Variants in COL28A1 observed in about 807,000 individuals in gnomAD.
COL28A1 encodes collagen alpha-1(XXVIII) chain.
Under a neutral mutation model 150.2 loss-of-function variants are expected in COL28A1, and 161 were observed. The ratio of observed to expected loss-of-function variants is 1.07; its 90% CI spans 0.94 to 1.22. COL28A1 has a LOEUF of 1.22. Among genes scored for constraint, COL28A1 ranks in the 50% most tolerant of loss-of-function variants. The pLI is 0.00. For missense variants in COL28A1, 1,617 were observed against 1,388.3 expected (o/e 1.16, Z -2.62); for synonymous variants, 552 against 469.7 (o/e 1.18, Z -2.26).
At position 7,380,837 on chromosome 7, in the gene COL28A1, A is replaced by T. The variant is rs1426113048; in HGVS notation, c.2231T>A (p.Val744Glu). 1.2e-6 allele frequency: 2 copies of T among 1,613,866 alleles called. No individual in the cohort carries two copies. Among genetic ancestry groups the T allele is most frequent in the Non-Finnish European group, 1.7e-6 (2 of 1,179,844 alleles). The change falls in exon 29 of 35, where the codon GTG (valine) becomes GAG (glutamate). Residue 744 changes from valine (V) to glutamate (E), a missense_variant. By Grantham distance (121) the Val-to-Glu change is moderately radical. Transcript: ENST00000399429. The stretch of plus-strand genomic sequence containing the variant: ...TTCTCCTTTATCACCTTTCTTTCCC[A>T]CATCGCCCCGTTCTCCGTGCTCTCC... ...QKGEHGERGD[V>E]GKKGDKGEIG...
intron 11 of COL28A1, among the ~76,000 whole-genome samples, chr7:7,501,142 GA>G (rs1161333417): frequency 6.6e-6 from 1 of 152,170 alleles, no homozygotes; most frequent in Non-Finnish European, 1.5e-5. Context: ...ATAGGTAAAA[GA>G]ATGCTAAGTT....
intron 23 of COL28A1, 33 bp downstream of exon 23, chr7:7,436,362 C>A: frequency 1.0e-6 from 1 of 1,000,992 alleles, no homozygotes; most frequent in Non-Finnish European, 1.6e-6. Context: ...ATTTCAGATA[C>A]AGAAAAACAA....
the COL28A1 span, among the ~76,000 whole-genome samples, chr7:7,349,859 G>A: frequency 1.3e-5 from 2 of 152,288 alleles, no homozygotes; most frequent in South Asian, 4.1e-4. Flanking sequence ...GGTAGGGAGA[G>A]AGTAAGGGAG....
intron 11 of COL28A1, among the ~76,000 whole-genome samples, chr7:7,494,001 C>T (rs1029874794): frequency 1.3e-5 from 2 of 151,954 alleles, no homozygotes; most frequent in African/African-American, 4.8e-5. Context: ...AATCAGTAGC[C>T]CCAGAAAGAA....
In COL28A1 at chr7:7,368,472, T is replaced by G. The variant is rs185233260; in HGVS notation, c.3066+2253A>C. On this transcript the variant is annotated intron_variant, in intron 33 of 34. Coordinates refer to ENST00000399429, the MANE Select transcript of COL28A1 (RefSeq NM_001037763.3). ...TAGTTATTCTTAAAACTTGACTCAA[T>G]GTCACCTCCTCTGTGATGCCTTATG... Among the ~76,000 whole-genome samples the G allele has an allele frequency of 2.2e-3, 332 of 152,190 alleles. 1 individual carries two copies. The highest frequency in any genetic ancestry group is 4.0e-3 in the Non-Finnish European group (272 of 68,020).
At chr7:7,529,236 C>T (rs1022172774) in intron 3 of COL28A1, among the ~76,000 whole-genome samples, 11 of 146,434 alleles carry the variant, frequency 7.5e-5, no homozygotes, top group African/African-American at 2.3e-4. Flanking sequence ...TTGCAGTGAA[C>T]CAAGATCGTG....
the COL28A1 span, among the ~76,000 whole-genome samples, chr7:7,340,946 G>C: frequency 6.6e-6 from 1 of 152,122 alleles, no homozygotes; most frequent in East Asian, 1.9e-4. Context: ...GCAGCCACAT[G>C]GGGAGAGATG....
intron 15 of COL28A1, among the ~76,000 whole-genome samples, chr7:7,456,673 T>C (rs1787196931): frequency 6.6e-6 from 1 of 152,188 alleles, no homozygotes; most frequent in Non-Finnish European, 1.5e-5. Flanking sequence ...TCATTCTTTC[T>C]GTGTCTTTAT....
rs891352119 is a variant in COL28A1, at chr7:7,452,896, T to C, written c.1441-509A>G. Among the ~76,000 whole-genome samples, 7 of 152,250 alleles carry C rather than the reference T, an allele frequency of 4.6e-5. No homozygotes were observed. In the South Asian group the frequency reaches 1.0e-3, roughly 23 times the overall value. ...GGTGAATAGTCTCAGAGAAGTATTT[T>C]ATTTATTTAACAATGATTCATGATT... is the stretch of plus-strand genomic sequence containing the variant. On this transcript the variant is annotated intron_variant, in intron 17 of 34. Coordinates refer to ENST00000399429, the MANE Select transcript of COL28A1 (RefSeq NM_001037763.3).
In COL28A1 at chr7:7,373,192, C is replaced by T. The variant is rs760849183; in HGVS notation, c.2714G>A (p.Gly905Glu). Residue 905 changes from glycine to glutamate, a missense_variant, in exon 32 of 35, where the codon GGA (glycine) becomes GAA (glutamate). Physicochemically the swap from Gly to Glu is moderately conservative, Grantham distance 98. Transcript: ENST00000399429. This position sits in a 1 kb window ranked among gnomAD's most constrained non-coding sequence, Gnocchi z 4.1. ...CTCTTTATCACGAGAATCTGTCTGT[C>T]CATCAGTGATGACCAAGGCCACTTT... ...VKKVALVITD[G>E]QTDSRDKEKL... The T allele has an allele frequency of 1.2e-6, 2 of 1,614,100 alleles. No homozygotes were observed. The highest frequency in any genetic ancestry group is 2.7e-5 in the African/African-American group (2 of 74,912).
chr7:7,379,406 A>C (rs1006499784), intron 30 of COL28A1, among the ~76,000 whole-genome samples: 1 of 152,090 alleles, frequency 6.6e-6, no homozygotes, highest in Admixed American at 6.5e-5. Context: ...GCTTCCACTC[A>C]AGAGATAAAG....
intron 27 of COL28A1, among the ~76,000 whole-genome samples, chr7:7,394,762 G>A (rs1484987965): frequency 1.3e-5 from 2 of 152,162 alleles, no homozygotes; most frequent in African/African-American, 4.8e-5. Flanking sequence ...AGCAAGAAAA[G>A]GAATCTTTTC....
At chr7:7,511,021 A>G in intron 9 of COL28A1, 70 bp downstream of exon 9, 1 of 1,236,184 alleles carries the variant, frequency 8.1e-7, no homozygotes, top group Non-Finnish European at 1.2e-6. Flanking sequence ...TCAGCCCAGG[A>G]ATTTCCCCTT....
intron 15 of COL28A1, among the ~76,000 whole-genome samples, chr7:7,461,423 A>C (rs1787611099): frequency 6.6e-6 from 1 of 152,010 alleles, no homozygotes. Context: ...CAGTGTGCAG[A>C]CTCCACAGAC....
At chr7:7,445,823 C>G (rs1254123191) in intron 18 of COL28A1, among the ~76,000 whole-genome samples, 2 of 149,144 alleles carry the variant, frequency 1.3e-5, no homozygotes, top group Non-Finnish European at 3.0e-5. Context: ...AAATAATAAA[C>G]TTGAAAACAA....
chr7:7,372,928 C>G, intron 32 of COL28A1, 70 bp downstream of exon 32: 1 of 1,370,352 alleles, frequency 7.3e-7, no homozygotes, highest in South Asian at 1.3e-5. Context: ...TTGGTCAGGA[C>G]AAACCAGTGA....
rs770603185 is a variant in COL28A1, at chr7:7,489,485, G to T, written c.1096-28C>A. The T allele has an allele frequency of 1.0e-5, 10 of 983,654 alleles. No individual in the cohort carries two copies. In the East Asian group the frequency reaches 2.4e-4, roughly 23 times the overall value. The allele number at this position is 983,654 out of a possible 1,614,324, so 60.9% of individuals were successfully genotyped here. On this transcript the variant is annotated intron_variant, in intron 12 of 34. Transcript: ENST00000399429. Reference sequence around the variant, plus strand: ...AAGAGAAAGAAATAATAGAATGAAAGCTTGAGATTTTAAATAAAGAATAAA... The same window carrying T: ...AAGAGAAAGAAATAATAGAATGAAATCTTGAGATTTTAAATAAAGAATAAA...
At chr7:7,525,457 T>C (rs1781972329) in intron 3 of COL28A1, among the ~76,000 whole-genome samples, 1 of 152,214 alleles carries the variant, frequency 6.6e-6, no homozygotes, top group African/African-American at 2.4e-5. Context: ...TGTTTATATA[T>C]AGAATTAGTA....
At chr7:7,464,750 G>T (rs1177871149) in intron 15 of COL28A1, among the ~76,000 whole-genome samples, 1 of 152,064 alleles carries the variant, frequency 6.6e-6, no homozygotes, top group Non-Finnish European at 1.5e-5. Flanking sequence ...CACACCTCAA[G>T]GAACTAGAGA....
Sources: allele counts gnomAD v4.1 joint callset (sites outside exome capture counted in the v4.1 genomes callset), GRCh38; gene constraint gnomAD v4.1.1; non-coding constraint Gnocchi (gnomAD v3.1); transcripts MANE v1.5; gene names NCBI Gene and HGNC (gene_info 2026-07-23, HGNC 2026-07-21).